Variants in SEPTIN6 observed in about 807,000 individuals in gnomAD.
SEPTIN6 encodes septin 6.
In SEPTIN6, 8 loss-of-function variants were observed where a neutral mutation model predicts 33.6. The observed-to-expected ratio is 0.24, with a 90% CI of 0.14 to 0.43. The LOEUF (loss-of-function observed/expected upper bound fraction) is 0.43. Ranked by LOEUF, SEPTIN6 falls within the 20% of genes least tolerant of loss-of-function variation. The pLI is 1.00. For synonymous variants in SEPTIN6, 131 were observed against 140.0 expected, an observed-to-expected ratio of 0.94 and a Z score of 0.45; for missense variants, 250 against 340.8, an observed-to-expected ratio of 0.73 and a Z score of 2.10.
chrX:119,662,269 A>G lies in SEPTIN6; in HGVS notation c.341+1213T>C, dbSNP rs746666106. Among the ~76,000 whole-genome samples, 6 of 111,622 alleles carry G rather than the reference A, an allele frequency of 5.4e-5. No homozygotes were observed. The South Asian group carries it at 1.9e-3, about 35-fold the overall frequency. Reference sequence around the variant, plus strand: ...TATTTCTAGCCTCTTCTCATCTCCAATTCTGTGTGTTCAACTGCCTACTGC... The same window carrying G: ...TATTTCTAGCCTCTTCTCATCTCCAGTTCTGTGTGTTCAACTGCCTACTGC... On this transcript the variant is annotated intron_variant, in intron 3 of 10. Transcript: ENST00000394610.
In SEPTIN6 at chrX:119,617,258, T is replaced by C. The variant is rs899581637; in HGVS notation, c.*2835A>G. 4.1e-5 allele frequency: 33 copies of C among 802,365 alleles called. No homozygotes were observed. Among genetic ancestry groups the C allele is most frequent in the Non-Finnish European group, 4.9e-5 (33 of 669,164 alleles). The allele number at this position is 802,365 out of a possible 1,213,427, so 66.1% of individuals were successfully genotyped here. The stretch of plus-strand genomic sequence containing the variant: ...GTACTTAGGGTATTTTTTTTTTAAA[T>C]AGTAACAGTTGTACTAATTTAAAAG... On this transcript the variant is annotated 3_prime_UTR_variant, in exon 11 of 11. Coordinates refer to ENST00000394610, the MANE Select transcript of SEPTIN6 (RefSeq NM_145799.4).
chrX:119,685,005 G>A (rs1338603335), intron 1 of SEPTIN6, among the ~76,000 whole-genome samples: 3 of 111,865 alleles, frequency 2.7e-5, no homozygotes, highest in African/African-American at 9.7e-5. Context: ...CTTCAGTTGG[G>A]GAGCAGTTGT....
intron 10 of SEPTIN6, chrX:119,624,144 G>GTTTTTTTTTTTTGTTTTTTTTTTTT: frequency 4.7e-6 from 1 of 211,643 alleles, no homozygotes; most frequent in Non-Finnish European, 8.7e-6. Flanking sequence ...TTTATTATGG[G>GTTTTTTTTTTTTGTTTTTTTTTTTT]TTTTTTTTTT....
At chrX:119,621,856 C>G (rs1338976124) in intron 10 of SEPTIN6, among the ~76,000 whole-genome samples, 1 of 107,924 alleles carries the variant, frequency 9.3e-6, no homozygotes, top group Non-Finnish European at 1.9e-5. Context: ...CCAGGCTGGT[C>G]TCCAACTCCT....
At chrX:119,630,103 G>C (rs376100312) in intron 8 of SEPTIN6, among the ~76,000 whole-genome samples, 1 of 112,208 alleles carries the variant, frequency 8.9e-6, no homozygotes, top group East Asian at 2.8e-4. Context: ...CTGGGCAACA[G>C]AGGAAGACTC....
At chrX:119,642,177 CAAAAAAAAAAA>C (rs1188953936) in intron 5 of SEPTIN6, among the ~76,000 whole-genome samples, 24 of 45,364 alleles carry the variant, frequency 5.3e-4, no homozygotes, top group Non-Finnish European at 9.5e-4. Flanking sequence ...GACCCAGTCT[CAAAAAAAAAAA>C]AAAAAAAAAG....
At chrX:119,683,116 G>T (rs2054993484) in intron 1 of SEPTIN6, among the ~76,000 whole-genome samples, 1 of 112,272 alleles carries the variant, frequency 8.9e-6, no homozygotes, top group South Asian at 3.6e-4. Context: ...AGCCAGGCTT[G>T]GTGGCTCATG....
intron 1 of SEPTIN6, among the ~76,000 whole-genome samples, chrX:119,685,168 T>C (rs1021803507): frequency 2.7e-5 from 3 of 112,379 alleles, no homozygotes; most frequent in Non-Finnish European, 5.6e-5. Flanking sequence ...TTCCATTAAG[T>C]AGCCGGCTCT....
intron 3 of SEPTIN6, among the ~76,000 whole-genome samples, chrX:119,660,288 T>G (rs1015639834): frequency 1.8e-5 from 2 of 112,565 alleles, no homozygotes; most frequent in African/African-American, 6.5e-5. Flanking sequence ...GTTTCAATGA[T>G]GCTTCACTGA....
rs57021804 is a variant in SEPTIN6 at position 119,640,168 on chromosome X, C to CTTT, written c.787+521_787+523dup. 8.8e-3 allele frequency among the ~76,000 whole-genome samples: 177 copies of CTTT among 20,171 alleles called. 2 individuals are homozygous for CTTT. Among genetic ancestry groups the CTTT allele is most frequent in the African/African-American group, 0.012 (49 of 4,248 alleles). The allele number at this position is 20,171 out of a possible 115,157, so 17.5% of individuals were successfully genotyped here. On this transcript the variant is annotated intron_variant, in intron 6 of 10. Coordinates refer to ENST00000394610, the MANE Select transcript of SEPTIN6 (RefSeq NM_145799.4). ...CCCTCCCACCCTCCCACTATCCAGT[C>CTTT]TTTTTTTTTTTTTTTTTTTTTTTTG... is the stretch of plus-strand genomic sequence containing the variant.
Position 119,637,323 on chromosome X carries a change from C to A in SEPTIN6, c.788-128G>T, listed in dbSNP as rs1158618300. ...TTGCAATCTGTGTATTTAGATCCTG[C>A]AAATTTACCTCCTCTCTTTTCTACT... On this transcript the variant is annotated intron_variant, in intron 6 of 10. Coordinates refer to ENST00000394610, the MANE Select transcript of SEPTIN6 (RefSeq NM_145799.4). 1.5e-5 allele frequency: 8 copies of A among 530,634 alleles called. No individual in the cohort carries two copies. In the African/African-American group the frequency reaches 1.9e-4, roughly 12 times the overall value. 43.7% of individuals were successfully genotyped at this position (530,634 alleles called of 1,213,427 possible). A position where few individuals can be genotyped will look rare whatever the true frequency, so the allele number is the denominator to read the frequency against.
chrX:119,633,169 G>A (rs62599893), intron 8 of SEPTIN6, among the ~76,000 whole-genome samples, 191 bp downstream of exon 8: 9,415 of 111,718 alleles, frequency 0.084, 450 homozygotes, highest in African/African-American at 0.18. Context: ...TTATAATAAA[G>A]TGATCTATAG....
chrX:119,657,229 A>G (rs1196093698), intron 3 of SEPTIN6, among the ~76,000 whole-genome samples: 1 of 109,432 alleles, frequency 9.1e-6, no homozygotes, highest in African/African-American at 3.3e-5. Context: ...AAAAAAAAAA[A>G]AAACAAAACA....
intron 9 of SEPTIN6, among the ~76,000 whole-genome samples, chrX:119,628,091 T>C (rs1273404620): frequency 3.7e-5 from 4 of 108,293 alleles, no homozygotes; most frequent in Non-Finnish European, 3.8e-5. Flanking sequence ...GCCCGGCCCG[T>C]AGCTGCAGTT....
intron 1 of SEPTIN6, among the ~76,000 whole-genome samples, chrX:119,680,130 GATA>G (rs772507873): frequency 3.6e-5 from 4 of 111,077 alleles, no homozygotes; most frequent in Non-Finnish European, 5.7e-5. Flanking sequence ...AGAACATACA[GATA>G]ATAATAAAGA....
At chrX:119,664,416 T>C (rs1275895573) in intron 2 of SEPTIN6, among the ~76,000 whole-genome samples, 1 of 111,993 alleles carries the variant, frequency 8.9e-6, no homozygotes, top group Non-Finnish European at 1.9e-5. Flanking sequence ...TGAGTGGTGA[T>C]CTTATGTGTG....
chrX:119,652,914 G>A lies in SEPTIN6; in HGVS notation c.468C>T (p.Ala156=), dbSNP rs779766902. The change falls in exon 4 of 11, where the codon GCC becomes GCT. Residue 156 remains alanine (A), a synonymous_variant. Coordinates refer to ENST00000394610, the MANE Select transcript of SEPTIN6 (RefSeq NM_145799.4). ...GAGACTTCAGGGAATGACCCGTGGG[G>A]GCAATGAAATACAAGCAGACATGGA... ...SRIHVCLYFI[A]PTGHSLKSLD... is the part of the protein sequence containing the mutation. The A allele has an allele frequency of 3.1e-5, 37 of 1,207,748 alleles. No individual in the cohort carries two copies. Among genetic ancestry groups the A allele is most frequent in the Non-Finnish European group, 4.1e-5 (37 of 894,356 alleles).
At chrX:119,668,774 C>A (rs748542194) in intron 2 of SEPTIN6, among the ~76,000 whole-genome samples, 2 of 111,633 alleles carry the variant, frequency 1.8e-5, no homozygotes, top group South Asian at 3.8e-4. Flanking sequence ...CCAACATAGA[C>A]CCTGTCTCTG....
intron 1 of SEPTIN6, among the ~76,000 whole-genome samples, chrX:119,676,827 G>A (rs1407476894): frequency 8.9e-6 from 1 of 112,032 alleles, no homozygotes; most frequent in Non-Finnish European, 1.9e-5. Context: ...TACAAAGGCA[G>A]TGTAGTGTAG....
Sources: allele counts gnomAD v4.1 joint callset (sites outside exome capture counted in the v4.1 genomes callset), GRCh38; gene constraint gnomAD v4.1.1; transcripts MANE v1.5; gene names NCBI Gene and HGNC (gene_info 2026-07-23, HGNC 2026-07-21).